Variants in MALRD1 observed in about 807,000 individuals in gnomAD.
MALRD1 encodes MAM and LDL receptor class A domain containing 1, also known as MAM and LDL-receptor class A domain-containing protein 1.
A neutral mutation model predicts 242.1 loss-of-function variants in MALRD1; 247 were observed. The observed-to-expected ratio is 1.02, with a 90% confidence interval of 0.92 to 1.13. MALRD1 has a LOEUF of 1.13. MALRD1 is among the 50% of genes most tolerant of loss of function. MALRD1 has a pLI of 0.00. For synonymous variants in MALRD1, 995 were observed against 866.6 expected (o/e 1.15, Z -2.60); for missense variants, 2,989 against 2,533.1 (o/e 1.18, Z -3.86).
chr10:19,321,309 T>C (rs933859508), intron 21 of MALRD1, among the ~76,000 whole-genome samples: 3 of 152,168 alleles, frequency 2.0e-5, no homozygotes, highest in African/African-American at 4.8e-5. Context: ...ATTTAATCTT[T>C]AAATCAATTT....
At chr10:19,542,556 T>C (rs918765625) in intron 32 of MALRD1, among the ~76,000 whole-genome samples, 37 of 152,176 alleles carry the variant, frequency 2.4e-4, no homozygotes, top group African/African-American at 6.7e-4. Flanking sequence ...AATTGCAGTA[T>C]AGTAGTTCCA....
chr10:19,131,732 T>C (rs1833117140), intron 8 of MALRD1, among the ~76,000 whole-genome samples: 1 of 152,186 alleles, frequency 6.6e-6, no homozygotes, highest in Admixed American at 6.6e-5. Flanking sequence ...AGAGTGTTAA[T>C]AAATATGTTA....
At chr10:19,671,930 C>CT (rs961187183) in intron 36 of MALRD1, among the ~76,000 whole-genome samples, 26 of 150,850 alleles carry the variant, frequency 1.7e-4, no homozygotes, top group African/African-American at 4.1e-4. Context: ...TTGCTCTTTT[C>CT]TTTTTTTTTC....
intron 12 of MALRD1, among the ~76,000 whole-genome samples, chr10:19,159,556 A>C (rs1307121740): frequency 6.6e-6 from 1 of 152,094 alleles, no homozygotes; most frequent in Non-Finnish European, 1.5e-5. Flanking sequence ...TTGAGAAGGA[A>C]TTAGAACGAA....
At chr10:19,537,503 T>G (rs1834744064) in intron 32 of MALRD1, among the ~76,000 whole-genome samples, 2 of 152,264 alleles carry the variant, frequency 1.3e-5, no homozygotes, top group South Asian at 2.1e-4. Context: ...CTCTCTCTCC[T>G]TTTTCTTCTC....
intron 14 of MALRD1, among the ~76,000 whole-genome samples, chr10:19,182,324 A>ATTTTTTTTTTT (rs34790120): frequency 3.7e-5 from 3 of 81,960 alleles, no homozygotes; most frequent in Non-Finnish European, 6.6e-5. Context: ...CAAAACCTAC[A>ATTTTTTTTTTT]TTTTTTTTTT....
chr10:19,579,807 A>G (rs1284409746), intron 33 of MALRD1, among the ~76,000 whole-genome samples: 2 of 152,204 alleles, frequency 1.3e-5, no homozygotes, highest in Non-Finnish European at 2.9e-5. Flanking sequence ...GTGTGCTGGA[A>G]GAAATGTGAA....
At chr10:19,662,364 C>T (rs1470516432) in intron 36 of MALRD1, among the ~76,000 whole-genome samples, 1 of 152,126 alleles carries the variant, frequency 6.6e-6, no homozygotes, top group African/African-American at 2.4e-5. Context: ...GATTAGGAAG[C>T]ACAGTAATTT....
intron 36 of MALRD1, among the ~76,000 whole-genome samples, chr10:19,679,554 C>T (rs1056575394): frequency 1.3e-5 from 2 of 151,896 alleles, no homozygotes; most frequent in African/African-American, 4.8e-5. Context: ...CTCTTTTCTT[C>T]TTTATTAGTC....
intron 26 of MALRD1, among the ~76,000 whole-genome samples, chr10:19,361,814 G>A (rs1476194681): frequency 1.3e-5 from 2 of 152,022 alleles, no homozygotes; most frequent in African/African-American, 4.8e-5. Flanking sequence ...TATTTATGGT[G>A]ATTTAGATCA....
chr10:19,047,453 A>T (rs1007537879), upstream of MALRD1, among the ~76,000 whole-genome samples: 16 of 151,972 alleles, frequency 1.1e-4, no homozygotes, highest in Admixed American at 1.1e-3. Context: ...AAATAAAGAG[A>T]TCTTACTTGA....
intron 21 of MALRD1, among the ~76,000 whole-genome samples, chr10:19,291,679 C>T (rs1841435156): frequency 6.6e-6 from 1 of 152,052 alleles, no homozygotes; most frequent in Admixed American, 6.6e-5. Context: ...GTCGCTTTCT[C>T]ACCTAATTCC....
chr10:19,239,389 T>G (rs1281599902), intron 18 of MALRD1, among the ~76,000 whole-genome samples: 1 of 152,180 alleles, frequency 6.6e-6, no homozygotes, highest in Admixed American at 6.6e-5. Context: ...TTATATAATG[T>G]GGGCATTAAC....
intron 33 of MALRD1, among the ~76,000 whole-genome samples, chr10:19,582,091 T>A (rs914250240): frequency 1.3e-5 from 2 of 152,072 alleles, no homozygotes; most frequent in African/African-American, 4.8e-5. Flanking sequence ...CTTGTAAATT[T>A]GTTTGAGTTC....
rs55633784 is a variant in MALRD1 at position 19,139,776 on chromosome 10, A to G, written c.1411+2995A>G. ...ACCAGAGCATCAGCATTACCTGGGA[A>G]CTTAGTGGAAATGCAGAACCTCAGG... On this transcript the variant is annotated intron_variant, in intron 10 of 39. Coordinates refer to ENST00000454679, the MANE Select transcript of MALRD1 (RefSeq NM_001142308.3). Among the ~76,000 whole-genome samples, 1,078 of 152,290 alleles carry G rather than the reference A, an allele frequency of 7.1e-3. 4 individuals carry two copies. Among genetic ancestry groups the G allele is most frequent in the South Asian group, 0.023 (112 of 4,820 alleles).
chr10:19,498,117 T>C (rs981881097), intron 30 of MALRD1, among the ~76,000 whole-genome samples: 2 of 152,302 alleles, frequency 1.3e-5, no homozygotes, highest in South Asian at 4.1e-4. Flanking sequence ...TATTCAAACA[T>C]CAGAATAAGG....
chr10:19,276,376 A>AGAT (rs67755700), intron 19 of MALRD1, among the ~76,000 whole-genome samples: 10 of 33,280 alleles, frequency 3.0e-4, no homozygotes, highest in African/African-American at 1.4e-3. Flanking sequence ...CGATCAAATT[A>AGAT]GATTATTTTT....
At chr10:19,623,958 T>TA (rs1187549109) in intron 36 of MALRD1, among the ~76,000 whole-genome samples, 3 of 152,128 alleles carry the variant, frequency 2.0e-5, no homozygotes, top group Non-Finnish European at 4.4e-5. Flanking sequence ...TTCATTTATT[T>TA]AAAAAAGCAA....
intron 10 of MALRD1, among the ~76,000 whole-genome samples, chr10:19,140,526 G>GGTGTGTGTGTGT (rs778477235): frequency 2.7e-5 from 3 of 111,502 alleles, no homozygotes; most frequent in Non-Finnish European, 5.9e-5. Context: ...AAACAAGTGG[G>GGTGTGTGTGTGT]GTGTGTGTGT....
Sources: allele counts gnomAD v4.1 joint callset (sites outside exome capture counted in the v4.1 genomes callset), GRCh38; gene constraint gnomAD v4.1.1; transcripts MANE v1.5; gene names NCBI Gene and HGNC (gene_info 2026-07-23, HGNC 2026-07-21).